The following ARGLU1 variants were observed in gnomAD, a reference collection of about 807,000 sequenced individuals.
ARGLU1 encodes arginine and glutamate rich 1.
In ARGLU1, 9 loss-of-function variants were observed where a neutral mutation model predicts 37.6. The observed-to-expected ratio is 0.24, with a 90% CI of 0.14 to 0.42. The LOEUF (loss-of-function observed/expected upper bound fraction) is 0.42, where lower values mean the gene tolerates loss of function less well. Among genes scored for constraint, ARGLU1 ranks in the 10% least tolerant of loss-of-function variants. The pLI is 1.00. For missense variants in ARGLU1, 211 were observed against 359.2 expected (o/e 0.59, Z 3.34); for synonymous variants, 166 against 138.5 (o/e 1.20, Z -1.39).
chr13:106,544,258 T>A (rs1305398307), intron 3 of ARGLU1, 98 bp from the exon 4 acceptor site: 12 of 1,089,188 alleles, frequency 1.1e-5, no homozygotes, highest in African/African-American at 1.7e-5. Context: ...TACAAAAAAA[T>A]TTTTAATGCA....
At chr13:106,554,210 A>C (rs990665553) in intron 3 of ARGLU1, among the ~76,000 whole-genome samples, 1 of 152,166 alleles carries the variant, frequency 6.6e-6, no homozygotes, top group Non-Finnish European at 1.5e-5. Flanking sequence ...AAATATGTTA[A>C]ATTATTTTAA....
intron 3 of ARGLU1, among the ~76,000 whole-genome samples, chr13:106,548,072 G>A (rs577078214): frequency 6.6e-6 from 1 of 152,158 alleles, no homozygotes; most frequent in Admixed American, 6.5e-5. Context: ...CCTACTAGAA[G>A]TATTTAATGC....
Position 106,554,550 on chromosome 13 carries a change from C to T in ARGLU1, c.657+2498G>A, listed in dbSNP as rs947583090. 5.9e-5 allele frequency among the ~76,000 whole-genome samples: 9 copies of T among 152,180 alleles called. No homozygotes were observed. The East Asian group carries it at 1.7e-3, about 29-fold the overall frequency. On this transcript the variant is annotated intron_variant, in intron 3 of 3. Transcript: ENST00000400198. Reference sequence around the variant, plus strand: ...TGTCTCCTCCTACACAAAGAATACCCTACTTTTCCTGCCAGCATATGACTA... The same window carrying T: ...TGTCTCCTCCTACACAAAGAATACCTTACTTTTCCTGCCAGCATATGACTA...
intron 3 of ARGLU1, among the ~76,000 whole-genome samples, chr13:106,552,175 A>C (rs1042783444): frequency 6.6e-6 from 1 of 152,238 alleles, no homozygotes; most frequent in African/African-American, 2.4e-5. Context: ...AACATGGCAT[A>C]TCTTTTCTTC....
At chr13:106,560,654 A>G (rs911170893) in intron 1 of ARGLU1, among the ~76,000 whole-genome samples, 3 of 152,222 alleles carry the variant, frequency 2.0e-5, no homozygotes, top group African/African-American at 7.2e-5. Context: ...CATTGCATAT[A>G]TTGTTCATAC....
At chr13:106,545,996 A>ACAC in intron 3 of ARGLU1, among the ~76,000 whole-genome samples, 1 of 152,334 alleles carries the variant, frequency 6.6e-6, no homozygotes, top group East Asian at 1.9e-4. Flanking sequence ...CTTCCACTTT[A>ACAC]TCCTTAAAAT....
At position 106,542,684 on chromosome 13, in the gene ARGLU1, T is replaced by A. The variant is rs1880290856; in HGVS notation, c.*1312A>T. 2 of 152,098 alleles carry A rather than the reference T, an allele frequency of 1.3e-5. No homozygotes were observed. The highest frequency in any genetic ancestry group is 1.3e-4 in the Admixed American group (2 of 15,272). The allele number at this position is 152,098 out of a possible 1,614,324, so 9.4% of individuals were successfully genotyped here. A position where few individuals can be genotyped will look rare whatever the true frequency, so the allele number is the denominator to read the frequency against. On this transcript the variant is annotated 3_prime_UTR_variant, in exon 4 of 4. Transcript: ENST00000400198. ...AAAATATTTTCTCTACTTGATGACATGTTTATGCATCTCAGGTAGCATTTT... is the reference window on the plus strand; with the variant it reads ...AAAATATTTTCTCTACTTGATGACAAGTTTATGCATCTCAGGTAGCATTTT...
Position 106,568,068 on chromosome 13 carries a change from C to T in ARGLU1, c.-149G>A. The T allele has an allele frequency of 4.0e-6, 5 of 1,264,440 alleles. No homozygotes were observed. The highest frequency in any genetic ancestry group is 4.1e-6 in the Non-Finnish European group (4 of 965,684). The allele number at this position is 1,264,440 out of a possible 1,614,324, so 78.3% of individuals were successfully genotyped here. On this transcript the variant is annotated 5_prime_UTR_variant, in exon 1 of 4. Transcript: ENST00000400198. ...CGGACTTTATGCCTTTTCCCGGCGTCTACAGCTGCCACGAAGGCCGCCTCC... is the reference window on the plus strand; with the variant it reads ...CGGACTTTATGCCTTTTCCCGGCGTTTACAGCTGCCACGAAGGCCGCCTCC...
At chr13:106,548,937 G>C in intron 3 of ARGLU1, among the ~76,000 whole-genome samples, 1 of 152,094 alleles carries the variant, frequency 6.6e-6, no homozygotes, top group East Asian at 1.9e-4. Context: ...TATTTTAGTA[G>C]AGACGGAGTT....
At chr13:106,562,944 C>G (rs1300920130) in intron 1 of ARGLU1, among the ~76,000 whole-genome samples, 4 of 142,032 alleles carry the variant, frequency 2.8e-5, no homozygotes, top group Non-Finnish European at 4.5e-5. Flanking sequence ...GATTGCGCCA[C>G]TGCACCACTG....
At chr13:106,545,293 T>C (rs567114489) in intron 3 of ARGLU1, among the ~76,000 whole-genome samples, 11 of 152,320 alleles carry the variant, frequency 7.2e-5, no homozygotes, top group African/African-American at 2.6e-4. Context: ...TTTATCCTTT[T>C]TCCCCTCTAT....
chr13:106,545,956 C>G (rs1450670337), intron 3 of ARGLU1, among the ~76,000 whole-genome samples: 1 of 152,206 alleles, frequency 6.6e-6, no homozygotes, highest in Admixed American at 6.5e-5. Context: ...GGACTTGCTT[C>G]AAAATTCAAC....
chr13:106,561,424 TACACACACAC>T (rs59373729), intron 1 of ARGLU1, among the ~76,000 whole-genome samples: 7,233 of 147,930 alleles, frequency 0.049, 179 homozygotes, highest in Non-Finnish European at 0.055. Context: ...TAATAAAGTG[TACACACACAC>T]ACACACACAC....
Position 106,568,010 on chromosome 13 carries a change from A to G in ARGLU1, c.-91T>C, listed in dbSNP as rs564623729. On this transcript the variant is annotated 5_prime_UTR_variant, in exon 1 of 4. Coordinates refer to ENST00000400198, the MANE Select transcript of ARGLU1 (RefSeq NM_018011.4). ...CCTTCGGACGCGGGCTGGCGGTTCT[A>G]CCGAGGCCGGAGGAAAGAAAGGTGT... 2.6e-5 allele frequency: 39 copies of G among 1,482,972 alleles called. No homozygotes were observed. The highest frequency in any genetic ancestry group is 3.0e-5 in the Non-Finnish European group (34 of 1,126,900). 91.9% of individuals were successfully genotyped at this position (1,482,972 alleles called of 1,614,324 possible). A position where few individuals can be genotyped will look rare whatever the true frequency, so the allele number is the denominator to read the frequency against.
intron 1 of ARGLU1, among the ~76,000 whole-genome samples, chr13:106,566,110 A>G (rs1263302539): frequency 6.6e-6 from 1 of 152,230 alleles, no homozygotes; most frequent in Non-Finnish European, 1.5e-5. Context: ...TGCAGACCCA[A>G]AAGTTGTATT....
Position 106,567,884 on chromosome 13 carries a change from G to A in ARGLU1, c.36C>T (p.Ser12=). Residue 12 remains serine (S), a synonymous_variant, in exon 1 of 4, where the codon TCC becomes TCT. Transcript: ENST00000400198. This position sits in a 1 kb window ranked among gnomAD's most constrained non-coding sequence, Gnocchi z 4.3. ...TGTGCTTGCTGCTCTTGGTGTGCTTGGAGCGGGACGAGCTCCGGCTCCGAG... is the reference window on the plus strand; with the variant it reads ...TGTGCTTGCTGCTCTTGGTGTGCTTAGAGCGGGACGAGCTCCGGCTCCGAG... ...GRSRSRSSSR[S]KHTKSSKHNK... The A allele has an allele frequency of 1.2e-6, 2 of 1,611,182 alleles. No homozygotes were observed. The highest frequency in any genetic ancestry group is 1.1e-5 in the South Asian group (1 of 91,022).
rs947096066 is a variant in ARGLU1, at chr13:106,557,585, T to C, written c.574-454A>G. ...GTCTTGTCCAGTGTCCTGCAGAGTG[T>C]GCTCCTCGGCTGCCATACGCGCCAG... On this transcript the variant is annotated intron_variant, in intron 2 of 3. Coordinates refer to ENST00000400198, the MANE Select transcript of ARGLU1 (RefSeq NM_018011.4). This position sits in a 1 kb window ranked among gnomAD's most constrained non-coding sequence, Gnocchi z 5.0. 1.9e-6 allele frequency: 3 copies of C among 1,608,532 alleles called. No individual in the cohort carries two copies. Among genetic ancestry groups the C allele is most frequent in the South Asian group, 1.1e-5 (1 of 89,896 alleles).
intron 3 of ARGLU1, among the ~76,000 whole-genome samples, chr13:106,546,446 T>C (rs1880392129): frequency 6.6e-6 from 1 of 152,248 alleles, no homozygotes; most frequent in Non-Finnish European, 1.5e-5. Flanking sequence ...TTTCCTTCTA[T>C]GGAAATCCTA....
At chr13:106,546,625 G>A (rs1880397878) in intron 3 of ARGLU1, among the ~76,000 whole-genome samples, 2 of 152,164 alleles carry the variant, frequency 1.3e-5, no homozygotes, top group African/African-American at 4.8e-5. Context: ...CTTAGTGTGT[G>A]CAACTGAATC....
Sources: allele counts gnomAD v4.1 joint callset (sites outside exome capture counted in the v4.1 genomes callset), GRCh38; gene constraint gnomAD v4.1.1; non-coding constraint Gnocchi (gnomAD v3.1); transcripts MANE v1.5; gene names NCBI Gene and HGNC (gene_info 2026-07-23, HGNC 2026-07-21).